RBBP8NL: variants seen among roughly 807,000 people sequenced by gnomAD.
RBBP8NL encodes RBBP8 N-terminal like.
Under a neutral mutation model 62.2 loss-of-function variants are expected in RBBP8NL, and 59 were observed. The observed-to-expected ratio is 0.95, with a 90% CI of 0.77 to 1.18. The LOEUF (loss-of-function observed/expected upper bound fraction) is 1.18, where lower values mean the gene tolerates loss of function less well. Among genes scored for constraint, RBBP8NL ranks in the 50% most tolerant of loss-of-function variants. The pLI is 0.00. For missense variants in RBBP8NL, 896 were observed against 899.5 expected (o/e 1.00, Z 0.05); for synonymous variants, 412 against 394.1 (o/e 1.05, Z -0.54).
At chr20:62,415,027 T>C in intron 9 of RBBP8NL, 94 bp downstream of exon 9, 1 of 1,287,078 alleles carries the variant, frequency 7.8e-7, no homozygotes, top group African/African-American at 1.5e-5. Flanking sequence ...AGTTCAGGGC[T>C]GTGAGGGATA....
chr20:62,424,295 T>TG (rs145711661), intron 1 of RBBP8NL, among the ~76,000 whole-genome samples: 27,555 of 147,348 alleles, frequency 0.19, 2,987 homozygotes, highest in South Asian at 0.38. Context: ...AGCTGGGCCG[T>TG]GGGGGGGGCA....
rs867433345 is a variant in RBBP8NL at position 62,414,445 on chromosome 20, G to T, written c.906C>A (p.Ser302Arg). 4 of 1,502,446 alleles carry T rather than the reference G, an allele frequency of 2.7e-6. No homozygotes were observed. Among genetic ancestry groups the T allele is most frequent in the Non-Finnish European group, 3.6e-6 (4 of 1,121,462 alleles). The allele number at this position is 1,502,446 out of a possible 1,614,324, so 93.1% of individuals were successfully genotyped here. A position where few individuals can be genotyped will look rare whatever the true frequency, so the allele number is the denominator to read the frequency against. The change falls in exon 10 of 14, where the codon AGC becomes AGA. Residue 302 changes from serine to arginine, a missense_variant. Physicochemically the swap from Ser to Arg is moderately radical, Grantham distance 110. Transcript: ENST00000252998. Reference sequence around the variant, plus strand: ...CAGGGGCCAGGGGGCTGCTGTGGGGGCTCTGAAGGTGCAGGGACAGGGGGC... The same window carrying T: ...CAGGGGCCAGGGGGCTGCTGTGGGGTCTCTGAAGGTGCAGGGACAGGGGGC... ...LNRPLSLHLQ[S>R]PHSSPLAPAA...
At chr20:62,416,535 G>A (rs933285976) in intron 5 of RBBP8NL, among the ~76,000 whole-genome samples, 2 of 152,200 alleles carry the variant, frequency 1.3e-5, no homozygotes, top group African/African-American at 2.4e-5. Context: ...AGTGGGGGCC[G>A]GGATGCCCCC....
At chr20:62,420,031 C>G (rs1988665919) in intron 1 of RBBP8NL, among the ~76,000 whole-genome samples, 1 of 152,132 alleles carries the variant, frequency 6.6e-6, no homozygotes, top group Non-Finnish European at 1.5e-5. Context: ...CACCTCTGAG[C>G]CACCCCGTTC....
chr20:62,412,866 G>C lies in RBBP8NL; in HGVS notation c.1710C>G (p.Ser570=). 1.2e-6 allele frequency: 2 copies of C among 1,613,482 alleles called. No individual in the cohort carries two copies. The highest frequency in any genetic ancestry group is 8.5e-7 in the Non-Finnish European group (1 of 1,180,012). The part of the protein sequence containing the change: ...PSKAEVLRPE[S]DELDETDTPG... ...GGGTGTCTGTCTCATCCAGTTCGTC[G>C]GACTCTGGTCTCAGCACTTCAGCCT... Residue 570 remains serine (S), a synonymous_variant, in exon 12 of 14, where the codon TCC becomes TCG. Coordinates refer to ENST00000252998, the MANE Select transcript of RBBP8NL (RefSeq NM_080833.3).
chr20:62,411,162 G>T (rs1416310859), intron 13 of RBBP8NL, among the ~76,000 whole-genome samples, 166 bp from the exon 14 acceptor site: 2 of 152,200 alleles, frequency 1.3e-5, no homozygotes, highest in Admixed American at 1.3e-4. Context: ...CCAGAGCAGG[G>T]GTAGCCCGAT....
chr20:62,422,654 A>ACTGGGGTGGGGACGGGGC (rs1988731941), intron 1 of RBBP8NL, among the ~76,000 whole-genome samples: 18 of 15,840 alleles, frequency 1.1e-3, no homozygotes, highest in South Asian at 2.5e-3. Context: ...GGGGATGGGG[A>ACTGGGGTGGGGACGGGGC]CCGGGGTGGG....
chr20:62,416,281 A>AC, intron 5 of RBBP8NL, 45 bp from the exon 6 acceptor site: 2 of 380,340 alleles, frequency 5.3e-6, no homozygotes, highest in Admixed American at 2.9e-5. Context: ...GTTGGGGGGG[A>AC]CAGGGGCAGG....
chr20:62,424,513 C>T (rs1988767610), intron 1 of RBBP8NL, among the ~76,000 whole-genome samples: 1 of 152,278 alleles, frequency 6.6e-6, no homozygotes, highest in South Asian at 2.1e-4. Context: ...GCACCTTTGC[C>T]TTCGGGGGAC....
In RBBP8NL at chr20:62,414,443, G is replaced by T. The variant is rs1200321375; in HGVS notation, c.908C>A (p.Pro303His). Residue 303 changes from proline (P) to histidine (H), a missense_variant, in exon 10 of 14, where the codon CCC (proline) becomes CAC (histidine). Coordinates refer to ENST00000252998, the MANE Select transcript of RBBP8NL (RefSeq NM_080833.3). ...AGCAGGGGCCAGGGGGCTGCTGTGG[G>T]GGCTCTGAAGGTGCAGGGACAGGGG... is the stretch of plus-strand genomic sequence containing the variant. ...NRPLSLHLQS[P>H]HSSPLAPAAA... 5 of 1,502,796 alleles carry T rather than the reference G, an allele frequency of 3.3e-6. No individual in the cohort carries two copies. The highest frequency in any genetic ancestry group is 4.5e-6 in the Non-Finnish European group (5 of 1,121,692). 93.1% of individuals were successfully genotyped at this position (1,502,796 alleles called of 1,614,324 possible).
At chr20:62,413,087 C>T (rs770658269) in intron 11 of RBBP8NL, among the ~76,000 whole-genome samples, 187 bp from the exon 12 acceptor site, 3 of 152,272 alleles carry the variant, frequency 2.0e-5, no homozygotes, top group Non-Finnish European at 4.4e-5. Context: ...CCTAGTGTCC[C>T]CATCAGTTGG....
Position 62,415,119 on chromosome 20 carries a change from A to G in RBBP8NL, c.794+2T>C. ...CTGGGTGAGGGTGGGGCAGGCGGGC[A>G]CCTGTCCAGGGAGAGGCCACGCTCA... On this transcript the variant is annotated splice_donor_variant, in intron 9 of 13. Transcript: ENST00000252998. LOFTEE classifies it high-confidence loss of function. The G allele has an allele frequency of 6.8e-7, 1 of 1,461,224 alleles. No homozygotes were observed. Among genetic ancestry groups the G allele is most frequent in the Non-Finnish European group, 9.1e-7 (1 of 1,103,002 alleles). The allele number at this position is 1,461,224 out of a possible 1,614,324, so 90.5% of individuals were successfully genotyped here. A position where few individuals can be genotyped will look rare whatever the true frequency, so the allele number is the denominator to read the frequency against.
At chr20:62,418,553 A>G in intron 2 of RBBP8NL, 88 bp from the exon 3 acceptor site, 2 of 1,293,450 alleles carry the variant, frequency 1.5e-6, no homozygotes, top group Non-Finnish European at 2.2e-6. Context: ...GCAGAGCTGC[A>G]ATGTGGCACT....
intron 5 of RBBP8NL, among the ~76,000 whole-genome samples, chr20:62,416,534 C>T (rs1355270079): frequency 2.0e-5 from 3 of 152,134 alleles, no homozygotes; most frequent in South Asian, 2.1e-4. Context: ...CAGTGGGGGC[C>T]GGGATGCCCC....
chr20:62,418,104 C>T (rs1988621899), intron 3 of RBBP8NL, among the ~76,000 whole-genome samples: 1 of 152,252 alleles, frequency 6.6e-6, no homozygotes, highest in Non-Finnish European at 1.5e-5. Flanking sequence ...GCCTGCCCGC[C>T]CGCCAGTGTC....
chr20:62,426,706 C>G (rs1988816218), intron 1 of RBBP8NL, among the ~76,000 whole-genome samples: 1 of 152,252 alleles, frequency 6.6e-6, no homozygotes, highest in Non-Finnish European at 1.5e-5. Flanking sequence ...GACCCAGGCT[C>G]CTGTGCACAC....
At chr20:62,420,429 T>C (rs958779436) in intron 1 of RBBP8NL, among the ~76,000 whole-genome samples, 2 of 150,604 alleles carry the variant, frequency 1.3e-5, no homozygotes, top group Non-Finnish European at 3.0e-5. Flanking sequence ...TGCACATATA[T>C]GCAAAAGACA....
At position 62,410,711 on chromosome 20, in the gene RBBP8NL, G is replaced by A; in HGVS notation, c.*167C>T. On this transcript the variant is annotated 3_prime_UTR_variant, in exon 14 of 14. Transcript: ENST00000252998. ...TGCCCTCTCCAGGCTGTGGTGAGCA[G>A]GCAGAGAGCTGCCCTGGGCTCACTG... 1 of 643,874 alleles carries A rather than the reference G, an allele frequency of 1.6e-6. No homozygotes were observed. The allele number at this position is 643,874 out of a possible 1,614,324, so 39.9% of individuals were successfully genotyped here.
intron 1 of RBBP8NL, among the ~76,000 whole-genome samples, chr20:62,422,599 G>C (rs965131807): frequency 9.1e-5 from 4 of 44,110 alleles, no homozygotes; most frequent in African/African-American, 1.3e-4. Context: ...TGGGGACGGG[G>C]ACTGGGGTGG....
Sources: allele counts gnomAD v4.1 joint callset (sites outside exome capture counted in the v4.1 genomes callset), GRCh38; gene constraint gnomAD v4.1.1; transcripts MANE v1.5; gene names NCBI Gene and HGNC (gene_info 2026-07-23, HGNC 2026-07-21).